Variants in PKD2 observed in about 807,000 individuals in gnomAD.
The protein encoded by PKD2 is polycystin-2.
A neutral mutation model predicts 105.9 loss-of-function variants in PKD2; 48 were observed. The observed-to-expected ratio is 0.45, with a 90% CI of 0.36 to 0.58. The LOEUF (loss-of-function observed/expected upper bound fraction) is 0.58. PKD2 is among the 20% of genes least tolerant of loss of function. The pLI is 0.00. For missense variants in PKD2, 1,078 were observed against 1,255.3 expected, an observed-to-expected ratio of 0.86 and a Z score of 2.13; for synonymous variants, 464 against 481.1, an observed-to-expected ratio of 0.96 and a Z score of 0.46.
At chr4:88,035,897 G>A (rs1381507743) in intron 2 of PKD2, among the ~76,000 whole-genome samples, 2 of 152,184 alleles carry the variant, frequency 1.3e-5, no homozygotes, top group African/African-American at 4.8e-5. Context: ...GAGCCGAGAG[G>A]TGGTGGAAGA....
chr4:88,050,726 C>A (rs1233761044), intron 6 of PKD2, among the ~76,000 whole-genome samples: 1 of 152,124 alleles, frequency 6.6e-6, no homozygotes, highest in African/African-American at 2.4e-5. Context: ...TCAGGAGAAG[C>A]CTATTCCCAC....
chr4:88,017,967 A>C (rs185664308), intron 1 of PKD2, among the ~76,000 whole-genome samples: 179 of 152,370 alleles, frequency 1.2e-3, no homozygotes, highest in African/African-American at 4.0e-3. Context: ...ATTTGTGTCC[A>C]GGGCTACCGA....
At chr4:88,068,343 A>T (rs1053642458) in intron 13 of PKD2, among the ~76,000 whole-genome samples, 2 of 151,922 alleles carry the variant, frequency 1.3e-5, no homozygotes, top group Non-Finnish European at 2.9e-5. Context: ...GGTGGTGGGC[A>T]CCTGTAATCC....
Position 88,043,396 on chromosome 4 carries a change from A to C in PKD2, c.1258A>C (p.Arg420=). The change falls in exon 5 of 15, where the codon AGG becomes CGG. Residue 420 remains arginine, a synonymous_variant. Transcript: ENST00000237596. The stretch of plus-strand genomic sequence containing the variant: ...AAATGTCTGGCTGGACCGAGGAACC[A>C]GGGCAACTTTTATTGACTTCTCAGT... ...KKNVWLDRGT[R]ATFIDFSVYN... is the part of the protein sequence containing the mutation. The C allele has an allele frequency of 6.2e-7, 1 of 1,614,072 alleles. No individual in the cohort carries two copies. The highest frequency in any genetic ancestry group is 8.5e-7 in the Non-Finnish European group (1 of 1,179,946).
intron 13 of PKD2, among the ~76,000 whole-genome samples, chr4:88,074,235 A>G (rs1180680000): frequency 6.6e-6 from 1 of 152,244 alleles, no homozygotes; most frequent in African/African-American, 2.4e-5. Context: ...TGCAGCCTCA[A>G]CATCCCAAGG....
intron 12 of PKD2, among the ~76,000 whole-genome samples, chr4:88,067,153 C>T (rs1720824005): frequency 6.6e-6 from 1 of 152,134 alleles, no homozygotes; most frequent in Non-Finnish European, 1.5e-5. Context: ...TTCTTGAGCA[C>T]AAACATGATA....
intron 4 of PKD2, 32 bp from the exon 5 acceptor site, chr4:88,043,201 A>T (rs538361295): frequency 3.7e-6 from 5 of 1,358,066 alleles, no homozygotes; most frequent in Non-Finnish European, 5.3e-6. Context: ...ACTGATTGTA[A>T]CTGTTTGTTT....
At chr4:88,066,363 C>A in intron 12 of PKD2, among the ~76,000 whole-genome samples, 1 of 137,558 alleles carries the variant, frequency 7.3e-6, no homozygotes, top group East Asian at 2.1e-4. Context: ...ACTTTTTTTT[C>A]TTTTTTTTTT....
At chr4:88,073,847 C>G (rs1190361500) in intron 13 of PKD2, among the ~76,000 whole-genome samples, 1 of 152,128 alleles carries the variant, frequency 6.6e-6, no homozygotes, top group Non-Finnish European at 1.5e-5. Context: ...TCAACAGTTA[C>G]AGTTATTTCA....
intron 9 of PKD2, among the ~76,000 whole-genome samples, chr4:88,060,676 T>G (rs1186377444): frequency 1.3e-5 from 2 of 151,526 alleles, no homozygotes; most frequent in East Asian, 1.9e-4. Context: ...AAAAAGTTGG[T>G]GGGGGGGAAC....
chr4:88,047,718 C>T (rs535844502), intron 6 of PKD2, among the ~76,000 whole-genome samples: 1 of 152,192 alleles, frequency 6.6e-6, no homozygotes, highest in South Asian at 2.1e-4. Context: ...CAAAGGCAGG[C>T]CATGCACAGT....
At chr4:88,053,857 C>A (rs1036360656) in intron 7 of PKD2, among the ~76,000 whole-genome samples, 6 of 152,074 alleles carry the variant, frequency 3.9e-5, no homozygotes, top group African/African-American at 1.2e-4. Flanking sequence ...TTGTCCTAGA[C>A]AGTAGCCACT....
chr4:88,011,891 AATG>A (rs1408516206), intron 1 of PKD2, among the ~76,000 whole-genome samples: 1 of 3,916 alleles, frequency 2.6e-4, no homozygotes, highest in Non-Finnish European at 4.4e-4. Flanking sequence ...ACAGGTTTTC[AATG>A]GGGGGGGGGG....
chr4:88,027,288 G>C (rs1322490047), intron 2 of PKD2, among the ~76,000 whole-genome samples: 1 of 152,232 alleles, frequency 6.6e-6, no homozygotes, highest in East Asian at 1.9e-4. Flanking sequence ...GGCCATGGGA[G>C]CCCACCCCTT....
At chr4:88,056,553 C>T (rs1720337386) in intron 8 of PKD2, among the ~76,000 whole-genome samples, 2 of 152,158 alleles carry the variant, frequency 1.3e-5, no homozygotes, top group African/African-American at 4.8e-5. Flanking sequence ...GCACCAAATG[C>T]AGATGGTAGC....
At chr4:88,027,731 C>A (rs1727006602) in intron 2 of PKD2, among the ~76,000 whole-genome samples, 1 of 152,120 alleles carries the variant, frequency 6.6e-6, no homozygotes, top group Non-Finnish European at 1.5e-5. Context: ...AGGGAGGGAC[C>A]TGATGGGAGG....
rs565369773 is a variant in PKD2, at chr4:88,014,018, A to C, written c.596-5440A>C. 3.3e-5 allele frequency among the ~76,000 whole-genome samples: 5 copies of C among 152,268 alleles called. No individual in the cohort carries two copies. The South Asian group carries it at 1.0e-3, about 32-fold the overall frequency. ...TGAGGTGGGTAGGCTGGTGGCTGAC[A>C]GACTAGGTCAGGAGAGGGCTGACCA... On this transcript the variant is annotated intron_variant, in intron 1 of 14. Coordinates refer to ENST00000237596, the MANE Select transcript of PKD2 (RefSeq NM_000297.4).
In PKD2 at chr4:88,008,178, C is replaced by T. The variant is rs1167384057; in HGVS notation, c.445C>T (p.His149Tyr). 1 of 1,387,294 alleles carries T rather than the reference C, an allele frequency of 7.2e-7. No homozygotes were observed. The highest frequency in any genetic ancestry group is 3.1e-5 in the East Asian group (1 of 32,708). 85.9% of individuals were successfully genotyped at this position (1,387,294 alleles called of 1,614,324 possible). Residue 149 changes from histidine (H) to tyrosine (Y), a missense_variant, in exon 1 of 15, where the codon CAC (histidine) becomes TAC (tyrosine). His to Tyr is a moderately conservative substitution (Grantham distance 83). Coordinates refer to ENST00000237596, the MANE Select transcript of PKD2 (RefSeq NM_000297.4). ...GCTTGGGGGCTACCACGGCGCGGGC[C>T]ACCCGAGCGGGAGGCGGCGCCGGCG... is the stretch of plus-strand genomic sequence containing the variant. Reference protein sequence around the residue: ...RGLGGYHGAGHPSGRRRRRED... With the variant: ...RGLGGYHGAGYPSGRRRRRED...
At chr4:88,061,052 T>C (rs898132096) in intron 9 of PKD2, among the ~76,000 whole-genome samples, 3 of 152,244 alleles carry the variant, frequency 2.0e-5, no homozygotes, top group Non-Finnish European at 2.9e-5. Flanking sequence ...ACTTTTTCTT[T>C]ACTATCTGCC....
Sources: allele counts gnomAD v4.1 joint callset (sites outside exome capture counted in the v4.1 genomes callset), GRCh38; gene constraint gnomAD v4.1.1; transcripts MANE v1.5; gene names NCBI Gene and HGNC (gene_info 2026-07-23, HGNC 2026-07-21).